Variants in SWT1 observed in about 807,000 individuals in gnomAD.
SWT1 encodes the protein SWT1 RNA endoribonuclease homolog.
In SWT1, 33 loss-of-function variants were observed where a neutral mutation model predicts 107.3. That is an observed-to-expected ratio of 0.31 (90% confidence interval 0.23 to 0.41). The LOEUF (loss-of-function observed/expected upper bound fraction) is 0.41. SWT1 is among the 10% of genes least tolerant of loss of function. The probability of loss-of-function intolerance (pLI) is 1.00; values close to 1 mark genes in which losing one functional copy is unlikely to be tolerated. For synonymous variants in SWT1, 345 were observed against 348.3 expected (o/e 0.99, Z 0.11); for missense variants, 898 against 1,028.9 (o/e 0.87, Z 1.74).
At chr1:185,224,735 T>A (rs1659923639) in intron 15 of SWT1, among the ~76,000 whole-genome samples, 1 of 152,160 alleles carries the variant, frequency 6.6e-6, no homozygotes, top group Non-Finnish European at 1.5e-5. Context: ...ATAAATTGAA[T>A]TGTTTTCTTG....
At chr1:185,215,080 T>A (rs1659111154) in intron 14 of SWT1, among the ~76,000 whole-genome samples, 1 of 152,194 alleles carries the variant, frequency 6.6e-6, no homozygotes. Flanking sequence ...TGTCCTTGTT[T>A]TACTTTTTAT....
chr1:185,200,560 C>T (rs1214337480), intron 10 of SWT1, among the ~76,000 whole-genome samples: 1 of 152,150 alleles, frequency 6.6e-6, no homozygotes, highest in East Asian at 1.9e-4. Context: ...CCTTGTTTGC[C>T]TGGGTATCAC....
intron 4 of SWT1, among the ~76,000 whole-genome samples, chr1:185,170,527 C>G (rs1403975936): frequency 2.0e-5 from 3 of 152,194 alleles, no homozygotes; most frequent in Non-Finnish European, 4.4e-5. Context: ...TCAGGAGAGC[C>G]TCCAGAGCTC....
intron 18 of SWT1, among the ~76,000 whole-genome samples, chr1:185,287,856 C>T (rs1665034290): frequency 6.6e-6 from 1 of 152,188 alleles, no homozygotes; most frequent in South Asian, 2.1e-4. Context: ...GGTGATAATC[C>T]ATTGTCCAGA....
At chr1:185,246,468 G>A (rs1571606524) in intron 16 of SWT1, among the ~76,000 whole-genome samples, 1 of 151,862 alleles carries the variant, frequency 6.6e-6, no homozygotes, top group East Asian at 1.9e-4. Context: ...GTAGAGACCA[G>A]GTCTTGCCAT....
Position 185,290,758 on chromosome 1 carries a change from CA to C in SWT1, c.2663del (p.Asn888ThrfsTer16). On this transcript the variant is annotated frameshift_variant, in exon 19 of 19. Transcript: ENST00000367500. LOFTEE classifies it high-confidence loss of function. The stretch of plus-strand genomic sequence containing the variant: ...GCAATGCATCTGTTTATATGGAGGC[CA>C]AAAACAGGGGATGGTGTGAAGACAT... Reference protein sequence around the residue: ...QCNASVYMEAKNRGWCEDMLN... With the variant: ...QCNASVYMEAXNRGWCEDMLN... 4 of 1,610,654 alleles carry C rather than the reference CA, an allele frequency of 2.5e-6. No homozygotes were observed. The highest frequency in any genetic ancestry group is 1.7e-5 in the Admixed American group (1 of 59,830).
rs534012902 is a variant in SWT1, at chr1:185,235,453, G to A, written c.2441+3745G>A. ...AATCCAGCATATAAACAGAGCCAAAGACAAAAACCACATGATTATCTCAAT... is the reference window on the plus strand; with the variant it reads ...AATCCAGCATATAAACAGAGCCAAAAACAAAAACCACATGATTATCTCAAT... On this transcript the variant is annotated intron_variant, in intron 16 of 18. Coordinates refer to ENST00000367500, the MANE Select transcript of SWT1 (RefSeq NM_017673.7). Among the ~76,000 whole-genome samples, 842 of 152,156 alleles carry A rather than the reference G, an allele frequency of 5.5e-3. 34 individuals are homozygous for A. The East Asian group carries it at 0.094, about 17-fold the overall frequency.
intron 18 of SWT1, among the ~76,000 whole-genome samples, chr1:185,279,089 G>C (rs1664444353): frequency 6.6e-6 from 1 of 152,188 alleles, no homozygotes; most frequent in Non-Finnish European, 1.5e-5. Flanking sequence ...ATCTGTTACA[G>C]TTGGGGGAGA....
Position 185,205,113 on chromosome 1 carries a change from C to CAT in SWT1, c.1833+251_1833+252insTA, listed in dbSNP as rs1197226758. 3.3e-5 allele frequency among the ~76,000 whole-genome samples: 5 copies of CAT among 151,846 alleles called. No homozygotes were observed. The East Asian group carries it at 9.7e-4, about 29-fold the overall frequency. On this transcript the variant is annotated intron_variant, in intron 12 of 18. Transcript: ENST00000367500. ...TTTTGCATCTGCTGTGTGTCAGATG[C>CAT]ACTGTCCCATGGTGCTTAAATTGAA...
intron 16 of SWT1, among the ~76,000 whole-genome samples, chr1:185,243,097 A>G (rs946747401): frequency 1.3e-5 from 2 of 152,158 alleles, no homozygotes; most frequent in African/African-American, 4.8e-5. Flanking sequence ...TCTAGGATAC[A>G]TTCTAACTAG....
chr1:185,194,827 C>T (rs1468990451), intron 10 of SWT1, among the ~76,000 whole-genome samples: 1 of 151,982 alleles, frequency 6.6e-6, no homozygotes, highest in African/African-American at 2.4e-5. Context: ...ATAAAAATTA[C>T]TTTAAATTTG....
chr1:185,175,205 T>G (rs958616808), intron 5 of SWT1, 92 bp downstream of exon 5: 273 of 1,046,534 alleles, frequency 2.6e-4, no homozygotes, highest in Non-Finnish European at 3.3e-4. Context: ...TTTTTCTGTT[T>G]TTTTTTTTTT....
chr1:185,259,744 A>G (rs1662891893), intron 16 of SWT1, among the ~76,000 whole-genome samples: 1 of 152,102 alleles, frequency 6.6e-6, no homozygotes, highest in African/African-American at 2.4e-5. Flanking sequence ...TCTATAGGGA[A>G]ATTCTTGTTC....
intron 14 of SWT1, among the ~76,000 whole-genome samples, chr1:185,216,205 A>G (rs1340143310): frequency 6.6e-6 from 1 of 152,160 alleles, no homozygotes; most frequent in Non-Finnish European, 1.5e-5. Context: ...TTAAGGGGTG[A>G]TATGATCTTT....
chr1:185,184,982 A>G (rs773137999), intron 9 of SWT1, 51 bp downstream of exon 9: 1 of 1,269,406 alleles, frequency 7.9e-7, no homozygotes, highest in South Asian at 2.2e-5. Context: ...GTTTGGGTGC[A>G]GACTCATTAT....
At chr1:185,231,244 A>G (rs1442217805) in intron 15 of SWT1, among the ~76,000 whole-genome samples, 2 of 152,168 alleles carry the variant, frequency 1.3e-5, no homozygotes, top group East Asian at 1.9e-4. Context: ...TTTTTTCTTC[A>G]TCGTTCTCAT....
intron 2 of SWT1, among the ~76,000 whole-genome samples, chr1:185,163,199 C>G (rs965810684): frequency 1.3e-5 from 2 of 151,998 alleles, no homozygotes; most frequent in African/African-American, 4.8e-5. Flanking sequence ...CTGTAGCATG[C>G]AATTCAGTTT....
intron 16 of SWT1, among the ~76,000 whole-genome samples, chr1:185,252,675 G>C (rs1302530952): frequency 1.1e-4 from 17 of 151,976 alleles, no homozygotes; most frequent in African/African-American, 4.1e-4. Flanking sequence ...GTAGATTCTG[G>C]ATATTAGCCC....
intron 15 of SWT1, chr1:185,227,382 G>T (rs1660148725): frequency 2.8e-6 from 2 of 706,636 alleles, no homozygotes; most frequent in Admixed American, 1.8e-5. Context: ...AAGCCTGCGG[G>T]CCAGCAGCAG....
Sources: allele counts gnomAD v4.1 joint callset (sites outside exome capture counted in the v4.1 genomes callset), GRCh38; gene constraint gnomAD v4.1.1; transcripts MANE v1.5; gene names NCBI Gene and HGNC (gene_info 2026-07-23, HGNC 2026-07-21).